Variants in PBX1 observed in about 807,000 individuals in gnomAD.
PBX1 encodes the protein PBX homeobox 1.
PBX1 carries 6 observed loss-of-function variants against 53.4 expected under a neutral mutation model. The ratio of observed to expected loss-of-function variants is 0.11; its 90% CI spans 0.06 to 0.22. PBX1 has a LOEUF of 0.22. Among genes scored for constraint, PBX1 ranks in the 10% least tolerant of loss-of-function variants. The pLI is 1.00. For synonymous variants in PBX1, 204 were observed against 212.3 expected, an observed-to-expected ratio of 0.96 and a Z score of 0.34; for missense variants, 251 against 551.4, an observed-to-expected ratio of 0.46 and a Z score of 5.46.
chr1:164,804,009 AT>A (rs1304971239), intron 4 of PBX1, among the ~76,000 whole-genome samples: 1 of 152,216 alleles, frequency 6.6e-6, no homozygotes, highest in African/African-American at 2.4e-5. Context: ...TGTGTTATAT[AT>A]TATTACTGTT....
At chr1:164,720,494 T>C (rs1664344583) in intron 2 of PBX1, among the ~76,000 whole-genome samples, 1 of 152,166 alleles carries the variant, frequency 6.6e-6, no homozygotes, top group Non-Finnish European at 1.5e-5. Context: ...AGCATTTCCC[T>C]CCCCACATTA....
chr1:164,870,355 T>TTCTTTCTTTC (rs1553255711), intron 2 of PBX1, among the ~76,000 whole-genome samples: 12 of 94,876 alleles, frequency 1.3e-4, no homozygotes, highest in South Asian at 7.9e-4. Context: ...CTTTCTTTCT[T>TTCTTTCTTTC]TCTTTCGAGA....
chr1:164,619,403 A>G (rs1174560113), intron 2 of PBX1, among the ~76,000 whole-genome samples: 1 of 152,092 alleles, frequency 6.6e-6, no homozygotes, highest in African/African-American at 2.4e-5. Context: ...GCTATTTACA[A>G]TATCTTTCAA....
chr1:164,713,018 G>A (rs757744777), intron 2 of PBX1, among the ~76,000 whole-genome samples: 9 of 152,178 alleles, frequency 5.9e-5, no homozygotes, highest in Admixed American at 1.3e-4. Flanking sequence ...GTTAGGCTAC[G>A]GGGAAAGGAG....
chr1:164,831,548 C>G (rs1017544267), intron 8 of PBX1: 6 of 152,064 alleles, frequency 3.9e-5, no homozygotes, highest in African/African-American at 1.5e-4. Context: ...GCCACCATGC[C>G]CAGCTAATTT....
intron 2 of PBX1, among the ~76,000 whole-genome samples, chr1:164,594,471 C>T (rs897700518): frequency 6.6e-6 from 1 of 151,922 alleles, no homozygotes; most frequent in Non-Finnish European, 1.5e-5. Flanking sequence ...TTAGTGGAGA[C>T]GGGGTTTCGC....
At position 164,689,858 on chromosome 1, in the gene PBX1, C is replaced by G. The variant is rs140022720; in HGVS notation, c.266-102636C>G. On this transcript the variant is annotated intron_variant, in intron 2 of 8. Coordinates refer to ENST00000420696, the MANE Select transcript of PBX1 (RefSeq NM_002585.4). ...CTGCTCCCTACACCTATCCCTCCCC[C>G]TCCCCTTGAGCTTTTTCAGTAATGC... is the stretch of plus-strand genomic sequence containing the variant. Among the ~76,000 whole-genome samples the G allele has an allele frequency of 9.5e-3, 1,452 of 152,212 alleles. 12 individuals carry two copies. Among genetic ancestry groups the G allele is most frequent in the Non-Finnish European group, 0.015 (1,013 of 67,998 alleles).
intron 2 of PBX1, among the ~76,000 whole-genome samples, chr1:164,652,963 G>A (rs896176685): frequency 6.6e-6 from 1 of 151,036 alleles, no homozygotes; most frequent in Non-Finnish European, 1.5e-5. Context: ...TCTACCTCCC[G>A]GGTTCAAGTA....
At chr1:164,770,000 G>A (rs1433707299) in intron 2 of PBX1, 1 of 152,186 alleles carries the variant, frequency 6.6e-6, no homozygotes, top group Non-Finnish European at 1.5e-5. Flanking sequence ...TTGAAGAACT[G>A]CACTTGCGTA....
chr1:164,735,338 G>A (rs186033205), intron 2 of PBX1, among the ~76,000 whole-genome samples: 16 of 152,184 alleles, frequency 1.1e-4, no homozygotes, highest in African/African-American at 3.1e-4. Context: ...TTTTGCTGTC[G>A]CAGATTTAAT....
intron 2 of PBX1, among the ~76,000 whole-genome samples, chr1:164,777,379 G>A (rs923270596): frequency 7.9e-5 from 12 of 152,082 alleles, no homozygotes; most frequent in Non-Finnish European, 1.2e-4. Context: ...GCCAAGATCT[G>A]GCCACTGCAC....
intron 2 of PBX1, among the ~76,000 whole-genome samples, chr1:164,687,032 G>A (rs750703054): frequency 1.3e-5 from 2 of 152,072 alleles, no homozygotes; most frequent in Non-Finnish European, 2.9e-5. Flanking sequence ...ATTCTTGGAT[G>A]CAAAAGTAGA....
intron 3 of PBX1, among the ~76,000 whole-genome samples, chr1:164,795,869 A>T (rs971601294): frequency 1.3e-5 from 2 of 152,096 alleles, no homozygotes; most frequent in African/African-American, 4.8e-5. Flanking sequence ...TTGTTGTTTT[A>T]TTTTTGGCAT....
At chr1:164,689,322 C>CT (rs2102018142) in intron 2 of PBX1, among the ~76,000 whole-genome samples, 1 of 151,646 alleles carries the variant, frequency 6.6e-6, no homozygotes, top group South Asian at 2.1e-4. Context: ...TTTCATTCTT[C>CT]TTTTTTCTTT....
intron 2 of PBX1, among the ~76,000 whole-genome samples, chr1:164,589,455 A>T (rs1655205141): frequency 6.6e-6 from 1 of 152,116 alleles, no homozygotes; most frequent in Non-Finnish European, 1.5e-5. Flanking sequence ...GATCCCAGAG[A>T]AAACAAATTC....
chr1:164,573,088 T>A (rs1653985029), intron 2 of PBX1, among the ~76,000 whole-genome samples: 2 of 152,144 alleles, frequency 1.3e-5, no homozygotes, highest in Non-Finnish European at 2.9e-5. Context: ...TTAAATTTAA[T>A]GATTTACATT....
intron 2 of PBX1, among the ~76,000 whole-genome samples, chr1:164,784,676 C>T (rs557981287): frequency 2.6e-5 from 4 of 152,288 alleles, no homozygotes; most frequent in East Asian, 1.9e-4. Flanking sequence ...ATGTGAAAAA[C>T]GAGTGAATCT....
chr1:164,605,306 T>A (rs558448182), intron 2 of PBX1: 1 of 152,350 alleles, frequency 6.6e-6, no homozygotes, highest in South Asian at 2.1e-4. Flanking sequence ...TCCTTTTTTT[T>A]TTGTTTTGAA....
chr1:164,701,037 A>G (rs577073248), intron 2 of PBX1, among the ~76,000 whole-genome samples: 2 of 152,344 alleles, frequency 1.3e-5, no homozygotes, highest in African/African-American at 2.4e-5. Context: ...ATAGCCAAGT[A>G]TTATCATTAT....
Sources: gnomAD v4.1 joint callset for allele counts (sites outside exome capture counted in the v4.1 genomes callset) on GRCh38, gnomAD v4.1.1 for gene constraint, MANE v1.5 for transcripts, NCBI Gene and HGNC (gene_info 2026-07-23, HGNC 2026-07-21) for gene names.